The following NLRP9 variants were observed in gnomAD, a reference collection of about 807,000 sequenced individuals.
NLRP9 encodes the protein NLR family pyrin domain containing 9, also known as NACHT, LRR and PYD domains-containing protein 9.
A neutral mutation model predicts 83.1 loss-of-function variants in NLRP9; 88 were observed. The observed-to-expected ratio is 1.06, with a 90% CI of 0.89 to 1.26. The LOEUF (loss-of-function observed/expected upper bound fraction) is 1.26. Ranked by LOEUF, NLRP9 falls within the 50% of genes most tolerant of loss-of-function variation. The pLI is 0.00. For missense variants in NLRP9, 1,308 were observed against 1,179.3 expected (o/e 1.11, Z -1.60); for synonymous variants, 521 against 447.6 (o/e 1.16, Z -2.07).
intron 4 of NLRP9, among the ~76,000 whole-genome samples, chr19:55,721,034 G>C (rs1286001890): frequency 6.6e-6 from 1 of 152,210 alleles, no homozygotes; most frequent in Non-Finnish European, 1.5e-5. Context: ...GGGACAAGTG[G>C]AACACATTCA....
At chr19:55,725,624 A>G (rs1032665113) in intron 3 of NLRP9, among the ~76,000 whole-genome samples, 1 of 152,090 alleles carries the variant, frequency 6.6e-6, no homozygotes. Context: ...CTGCCCGGAG[A>G]TAAAGGAAGC....
intron 4 of NLRP9, 121 bp from the exon 5 acceptor site, chr19:55,717,019 TAC>T (rs1218503884): frequency 8.6e-6 from 5 of 584,776 alleles, no homozygotes; most frequent in African/African-American, 5.7e-5. Flanking sequence ...TTATCTACAC[TAC>T]AGACTCTTTT....
Position 55,732,548 on chromosome 19 carries a change from C to A in NLRP9, c.1283G>T (p.Trp428Leu), listed in dbSNP as rs991652955. The A allele has an allele frequency of 1.2e-6, 2 of 1,614,084 alleles. No individual in the cohort carries two copies. Among genetic ancestry groups the A allele is most frequent in the African/African-American group, 2.7e-5 (2 of 74,938 alleles). The change falls in exon 2 of 9, where the codon TGG (tryptophan) becomes TTG (leucine). Residue 428 changes from tryptophan (W) to leucine (L), a missense_variant. Trp to Leu is a moderately conservative substitution (Grantham distance 61). Coordinates refer to ENST00000332836, the MANE Select transcript of NLRP9 (RefSeq NM_176820.4). ...NGLSESEGVMWVGMRLLQRRG... is the reference protein window; with the variant it reads ...NGLSESEGVMLVGMRLLQRRG... ...CCTTTGGAGGAGTCTCATACCCACC[C>A]ACATCACGCCCTCAGACTCAGATAA...
intron 1 of NLRP9, among the ~76,000 whole-genome samples, chr19:55,734,295 C>T (rs1988711622): frequency 7.3e-6 from 1 of 137,314 alleles, no homozygotes; most frequent in African/African-American, 2.7e-5. Context: ...ACCTAGGAAG[C>T]GGAGATTGCA....
In NLRP9 at chr19:55,716,780, T is replaced by A; in HGVS notation, c.2278A>T (p.Thr760Ser). The change falls in exon 5 of 9, where the codon ACG becomes TCG. Residue 760 changes from threonine (T) to serine (S), a missense_variant. Physicochemically the swap from Thr to Ser is moderately conservative, Grantham distance 58 (BLOSUM62 1). Transcript: ENST00000332836. ...VENPLRDEGM[T>S]LLCEALKHSH... The stretch of plus-strand genomic sequence containing the variant: ...TGCTTCAGGGCTTCACACAGCAACG[T>A]CATTCCTTCGTCCCTCAAGGGATTT... The A allele has an allele frequency of 6.2e-7, 1 of 1,613,954 alleles. No individual in the cohort carries two copies. The highest frequency in any genetic ancestry group is 8.5e-7 in the Non-Finnish European group (1 of 1,179,950).
chr19:55,708,977 G>A lies in NLRP9; in HGVS notation c.2911C>T (p.His971Tyr). The change falls in exon 9 of 9, where the codon CAT becomes TAT. Residue 971 changes from histidine (H) to tyrosine (Y), a missense_variant. By Grantham distance (83) the His-to-Tyr change is moderately conservative. Transcript: ENST00000332836. ...CAAGGTCCATGTGAAATGGTCAGAT[G>A]GGGAATTTTTTCTTCCACAGACATC... is the stretch of plus-strand genomic sequence containing the variant. The part of the protein sequence containing the change: ...ILMSVEEKIP[H>Y]LTISHGPWID... The A allele has an allele frequency of 1.9e-6, 3 of 1,593,152 alleles. No individual in the cohort carries two copies. The highest frequency in any genetic ancestry group is 4.6e-5 in the East Asian group (2 of 43,248).
chr19:55,732,194 A>C lies in NLRP9; in HGVS notation c.1637T>G (p.Phe546Cys). ...TTCCTGAGTTTCAAACAAACCAATGAATAGTTCCTGGAAAGCTATGGCTTC... is the reference window on the plus strand; with the variant it reads ...TTCCTGAGTTTCAAACAAACCAATGCATAGTTCCTGGAAAGCTATGGCTTC... ...DREAIAFQELFIGLFETQEKE... is the reference protein window; with the variant it reads ...DREAIAFQELCIGLFETQEKE... The change falls in exon 2 of 9, where the codon TTC (phenylalanine) becomes TGC (cysteine). Residue 546 changes from phenylalanine to cysteine, a missense_variant. By Grantham distance (205) the Phe-to-Cys change is radical (BLOSUM62 -2). Transcript: ENST00000332836. 1 of 1,613,658 alleles carries C rather than the reference A, an allele frequency of 6.2e-7. No individual in the cohort carries two copies. The highest frequency in any genetic ancestry group is 8.5e-7 in the Non-Finnish European group (1 of 1,179,832).
rs553791415 is a variant in NLRP9 at position 55,719,761 on chromosome 19, T to C, written c.2160-2863A>G. On this transcript the variant is annotated intron_variant, in intron 4 of 8. Transcript: ENST00000332836. ...AGATAGAGATCATGGTAAAATGTTC[T>C]CAGAAGCCTGTGCAAATGTTCATCC... 3.3e-5 allele frequency among the ~76,000 whole-genome samples: 5 copies of C among 152,308 alleles called. No individual in the cohort carries two copies. The South Asian group carries it at 6.2e-4, about 19-fold the overall frequency.
chr19:55,733,919 A>ATT (rs765779528), intron 1 of NLRP9, among the ~76,000 whole-genome samples: 55 of 117,866 alleles, frequency 4.7e-4, no homozygotes, highest in South Asian at 7.8e-4. Flanking sequence ...TGTCAACCAA[A>ATT]TTTTTTTTTT....
intron 3 of NLRP9, 30 bp downstream of exon 3, chr19:55,729,801 G>A (rs150307548): frequency 6.3e-7 from 1 of 1,577,998 alleles, no homozygotes; most frequent in Admixed American, 1.8e-5. Context: ...TCTGCCATTT[G>A]CTTAAAGGAC....
chr19:55,733,919 A>AATTTTTTTTTTTTTTTTTTT (rs1555796186), intron 1 of NLRP9, among the ~76,000 whole-genome samples: 7 of 117,866 alleles, frequency 5.9e-5, no homozygotes, highest in African/African-American at 2.1e-4. Flanking sequence ...TGTCAACCAA[A>AATTTTTTTTTTTTTTTTTTT]TTTTTTTTTT....
Position 55,732,688 on chromosome 19 carries a change from C to T in NLRP9, c.1143G>A (p.Gln381=). 6.2e-7 allele frequency: 1 copy of T among 1,614,202 alleles called. No individual in the cohort carries two copies. Among genetic ancestry groups the T allele is most frequent in the Non-Finnish European group, 8.5e-7 (1 of 1,180,034 alleles). ...CTCTGTTCACCTTAGGTGGAAAACT[C>T]TGACTTCCTGCTTTGAATACAGTTG... The part of the protein sequence containing the change: ...FLTTVFKAGS[Q]SFPPKVNRAR... The change falls in exon 2 of 9, where the codon CAG becomes CAA. Residue 381 remains glutamine (Q), a synonymous_variant. Transcript: ENST00000332836.
chr19:55,728,412 T>C (rs906380664), intron 3 of NLRP9, among the ~76,000 whole-genome samples: 1 of 151,926 alleles, frequency 6.6e-6, no homozygotes, highest in Non-Finnish European at 1.5e-5. Flanking sequence ...CCGTCTCTAC[T>C]AATACAAAAA....
In NLRP9 at chr19:55,729,774, A is replaced by G. The variant is rs1457486375; in HGVS notation, c.1994+57T>C. 3.4e-6 allele frequency: 5 copies of G among 1,454,000 alleles called. No individual in the cohort carries two copies. The African/African-American group carries it at 4.3e-5, about 12-fold the overall frequency. 90.1% of individuals were successfully genotyped at this position (1,454,000 alleles called of 1,614,324 possible). On this transcript the variant is annotated intron_variant, in intron 3 of 8. Coordinates refer to ENST00000332836, the MANE Select transcript of NLRP9 (RefSeq NM_176820.4). Reference sequence around the variant, plus strand: ...ATGGGTCTTCTTCCAAAAAGGCCACAGTAGAGAGAAGGAAACTCTGCCATT... The same window carrying G: ...ATGGGTCTTCTTCCAAAAAGGCCACGGTAGAGAGAAGGAAACTCTGCCATT...
At chr19:55,729,639 T>G (rs1018186091) in intron 3 of NLRP9, among the ~76,000 whole-genome samples, 192 bp downstream of exon 3, 22 of 152,216 alleles carry the variant, frequency 1.4e-4, no homozygotes, top group Admixed American at 1.4e-3. Flanking sequence ...CTATCATTGA[T>G]GGACATTTGG....
Position 55,724,122 on chromosome 19 carries a change from G to A in NLRP9, c.2017C>T (p.His673Tyr). ...ACTGCCTTAAATAATTCTGAATCAT[G>A]TCCAAAGTACACAGAAGTAAATCTG... The part of the protein sequence containing the change: ...KLIFTSVYFG[H>Y]DSELFKAVLH... Residue 673 changes from histidine to tyrosine, a missense_variant, in exon 4 of 9, where the codon CAT becomes TAT. Coordinates refer to ENST00000332836, the MANE Select transcript of NLRP9 (RefSeq NM_176820.4). 6.2e-7 allele frequency: 1 copy of A among 1,611,688 alleles called. No homozygotes were observed. Among genetic ancestry groups the A allele is most frequent in the Non-Finnish European group, 8.5e-7 (1 of 1,178,682 alleles).
At position 55,716,897 on chromosome 19, in the gene NLRP9, G is replaced by C. The variant is rs1191261327; in HGVS notation, c.2161C>G (p.Leu721Val). The C allele has an allele frequency of 1.2e-6, 2 of 1,613,220 alleles. No homozygotes were observed. The highest frequency in any genetic ancestry group is 1.7e-5 in the Admixed American group (1 of 59,962). ...HPMCKIEELI[L>V]GKCDISSEVC... is the part of the protein sequence containing the mutation. ...TCACTGGAGATGTCACACTTTCCCA[G>C]TCTACATGTGAAACACACACCATGA... Residue 721 changes from leucine to valine, a missense_variant and splice_region_variant, in exon 5 of 9, where the codon CTG becomes GTG. Leu to Val is a conservative substitution (Grantham distance 32). Coordinates refer to ENST00000332836, the MANE Select transcript of NLRP9 (RefSeq NM_176820.4).
At chr19:55,719,544 T>C (rs967809513) in intron 4 of NLRP9, among the ~76,000 whole-genome samples, 6 of 152,340 alleles carry the variant, frequency 3.9e-5, no homozygotes, top group Non-Finnish European at 7.3e-5. Context: ...TTGCTCTCCA[T>C]TGTGATAATT....
At chr19:55,726,425 G>T (rs1395849520) in intron 3 of NLRP9, among the ~76,000 whole-genome samples, 1 of 152,126 alleles carries the variant, frequency 6.6e-6, no homozygotes, top group Non-Finnish European at 1.5e-5. Context: ...GATGAATAAA[G>T]AAGCAGAAGC....
Sources: gnomAD v4.1 joint callset for allele counts (sites outside exome capture counted in the v4.1 genomes callset) on GRCh38, gnomAD v4.1.1 for gene constraint, MANE v1.5 for transcripts, NCBI Gene and HGNC (gene_info 2026-07-23, HGNC 2026-07-21) for gene names.